Variants in LUZP1 observed in about 807,000 individuals in gnomAD.
LUZP1 encodes the protein filamin mechanobinding actin cross-linking protein.
A neutral mutation model predicts 71.3 loss-of-function variants in LUZP1; 25 were observed. The observed-to-expected ratio is 0.35, with a 90% CI of 0.26 to 0.49. The LOEUF is 0.49. LUZP1 is among the 20% of genes least tolerant of loss of function. LUZP1 has a pLI of 0.99. For synonymous variants in LUZP1, 481 were observed against 506.4 expected (o/e 0.95, Z 0.67); for missense variants, 1,142 against 1,300.8 (o/e 0.88, Z 1.88).
intron 2 of LUZP1, among the ~76,000 whole-genome samples, chr1:23,117,135 T>C (rs1202393835): frequency 6.6e-6 from 1 of 152,188 alleles, no homozygotes; most frequent in Admixed American, 6.5e-5. Context: ...AATTTCCCTT[T>C]GTCTCTATTC....
At chr1:23,126,819 C>G (rs1644175838) in intron 2 of LUZP1, among the ~76,000 whole-genome samples, 1 of 152,210 alleles carries the variant, frequency 6.6e-6, no homozygotes, top group South Asian at 2.1e-4. Context: ...TCTCTGCTAC[C>G]TGACTTTCAC....
intron 2 of LUZP1, among the ~76,000 whole-genome samples, chr1:23,165,359 C>CT (rs113145677): frequency 0.18 from 24,620 of 140,670 alleles, 2,089 homozygotes; most frequent in East Asian, 0.28. Context: ...CTCAATAAAG[C>CT]TTTTTTTTTT....
intron 3 of LUZP1, among the ~76,000 whole-genome samples, chr1:23,098,656 A>G (rs976285210): frequency 2.0e-5 from 3 of 152,220 alleles, no homozygotes; most frequent in African/African-American, 7.2e-5. Flanking sequence ...GGCAGCAACG[A>G]TAGAGTATTA....
chr1:23,141,455 G>A (rs2124708136), intron 2 of LUZP1, among the ~76,000 whole-genome samples: 1 of 152,236 alleles, frequency 6.6e-6, no homozygotes, highest in East Asian at 1.9e-4. Context: ...CTGATGAGGG[G>A]AGCAAGCCAC....
rs575825149 is a variant in LUZP1, at chr1:23,119,984, G to A, written c.-225-10857C>T. The stretch of plus-strand genomic sequence containing the variant: ...AAAGACAGAGTCGTGCTCTGTCACC[G>A]AAGCTGGAGTGCGGTGGAGCAATCG... On this transcript the variant is annotated intron_variant, in intron 2 of 4. Coordinates refer to ENST00000302291, the Ensembl canonical transcript of LUZP1. Among the ~76,000 whole-genome samples the A allele has an allele frequency of 7.3e-5, 11 of 150,928 alleles. No homozygotes were observed. In the East Asian group the frequency reaches 7.8e-4, roughly 11 times the overall value.
At chr1:23,134,545 G>A (rs978229152) in intron 2 of LUZP1, among the ~76,000 whole-genome samples, 4 of 149,324 alleles carry the variant, frequency 2.7e-5, no homozygotes, top group East Asian at 4.0e-4. Flanking sequence ...TTGGGAGATC[G>A]AGGCAGGAGG....
chr1:23,099,694 C>T (rs1643916459), intron 3 of LUZP1, among the ~76,000 whole-genome samples: 1 of 152,132 alleles, frequency 6.6e-6, no homozygotes, highest in South Asian at 2.1e-4. Context: ...TATGTTTTAT[C>T]AAGACTCTGG....
chr1:23,146,530 C>T (rs1644344655), intron 2 of LUZP1, among the ~76,000 whole-genome samples: 1 of 152,176 alleles, frequency 6.6e-6, no homozygotes, highest in South Asian at 2.1e-4. Context: ...CCATGCGGTG[C>T]CTCACACCTG....
chr1:23,095,753 A>T (rs1291222408), intron 3 of LUZP1, among the ~76,000 whole-genome samples: 1 of 152,184 alleles, frequency 6.6e-6, no homozygotes, highest in Non-Finnish European at 1.5e-5. Context: ...TTATCCCTAG[A>T]GAATTTATAA....
intron 2 of LUZP1, among the ~76,000 whole-genome samples, chr1:23,155,847 T>A (rs1644417312): frequency 6.6e-6 from 1 of 152,160 alleles, no homozygotes; most frequent in Non-Finnish European, 1.5e-5. Context: ...CACTGGTGAA[T>A]CACTAAAATG....
chr1:23,140,378 C>T (rs1197166869), intron 2 of LUZP1: 1 of 152,182 alleles, frequency 6.6e-6, no homozygotes, highest in Admixed American at 6.5e-5. Flanking sequence ...AGCAGAACCC[C>T]AAGCAGTTCA....
chr1:23,099,181 A>G (rs1330781282), intron 3 of LUZP1, among the ~76,000 whole-genome samples: 1 of 152,214 alleles, frequency 6.6e-6, no homozygotes, highest in Non-Finnish European at 1.5e-5. Flanking sequence ...TCCCTTTTAA[A>G]AACTCTTGCA....
intron 2 of LUZP1, among the ~76,000 whole-genome samples, chr1:23,167,075 A>G (rs946458200): frequency 1.3e-5 from 2 of 152,206 alleles, no homozygotes; most frequent in African/African-American, 4.8e-5. Flanking sequence ...TTCTGAGCAA[A>G]ACAATTATTT....
At chr1:23,084,444 A>T (rs528886990) in exon 5 of LUZP1, 1 of 151,820 alleles carries the variant, frequency 6.6e-6, no homozygotes. Flanking sequence ...TTAAAAGGAT[A>T]CTACCTGTGA....
intron 2 of LUZP1, among the ~76,000 whole-genome samples, chr1:23,140,100 C>T (rs1203918366): frequency 6.6e-6 from 1 of 152,072 alleles, no homozygotes; most frequent in African/African-American, 2.4e-5. Flanking sequence ...CTACTACCCC[C>T]ACATCATGGT....
At chr1:23,162,701 A>G (rs1306746152) in intron 2 of LUZP1, 1 of 152,234 alleles carries the variant, frequency 6.6e-6, no homozygotes, top group Admixed American at 6.5e-5. Context: ...AAACAGGAAT[A>G]GAGTGCTCAC....
chr1:23,094,234 T>G lies in LUZP1; in HGVS notation c.28A>C (p.Thr10Pro), dbSNP rs1021263102. The stretch of plus-strand genomic sequence containing the variant: ...AACCGCAAGTGGCGGCTGGAGGCCG[T>G]CTCCTTGTAGCTTGTAAATTCGGCC... Residue 10 changes from threonine to proline, a missense_variant, in exon 4 of 5, where the codon ACG becomes CCG. Coordinates refer to ENST00000302291, the Ensembl canonical transcript of LUZP1. This position sits in a 1 kb window ranked among gnomAD's most constrained non-coding sequence, Gnocchi z 4.7. The G allele has an allele frequency of 1.1e-5, 17 of 1,612,186 alleles. No homozygotes were observed. The highest frequency in any genetic ancestry group is 1.3e-5 in the Non-Finnish European group (15 of 1,179,270).
At chr1:23,091,837 C>T (rs1176655946) in exon 4 of LUZP1, 1 of 1,614,172 alleles carries the variant, frequency 6.2e-7, no homozygotes, top group African/African-American at 1.3e-5. Flanking sequence ...TCACCCGGAG[C>T]AGCTCTGGGG....
At chr1:23,149,079 TAAAAAAAAAAAAAAAAA>T (rs58910170) in intron 2 of LUZP1, among the ~76,000 whole-genome samples, 1 of 37,408 alleles carries the variant, frequency 2.7e-5, no homozygotes, top group Admixed American at 3.7e-4. Context: ...ACACCTTGCC[TAAAAAAAAAAAAAAAAA>T]AAAAAAAAAA....
Sources: allele counts gnomAD v4.1 joint callset (sites outside exome capture counted in the v4.1 genomes callset), GRCh38; gene constraint gnomAD v4.1.1; non-coding constraint Gnocchi (gnomAD v3.1); transcripts MANE v1.5; gene names NCBI Gene and HGNC (gene_info 2026-07-23, HGNC 2026-07-21).